AGBL4: variants seen among roughly 807,000 people sequenced by gnomAD.
AGBL4 encodes the protein AGBL carboxypeptidase 4.
Under a neutral mutation model 66.4 loss-of-function variants are expected in AGBL4, and 58 were observed. That is an observed-to-expected ratio of 0.87 (90% CI 0.71 to 1.09). The LOEUF (loss-of-function observed/expected upper bound fraction) is 1.09, where lower values mean the gene tolerates loss of function less well. Ranked by LOEUF, AGBL4 falls within the 50% of genes least tolerant of loss-of-function variation. The pLI, the probability that AGBL4 is intolerant of heterozygous loss-of-function variation, is 0.00. For missense variants in AGBL4, 579 were observed against 631.0 expected, an observed-to-expected ratio of 0.92 and a Z score of 0.88; for synonymous variants, 234 against 222.9, an observed-to-expected ratio of 1.05 and a Z score of -0.44.
chr1:49,968,474 C>T (rs967254707), intron 1 of AGBL4, among the ~76,000 whole-genome samples: 1 of 152,130 alleles, frequency 6.6e-6, no homozygotes, highest in South Asian at 2.1e-4. Flanking sequence ...TTTCCAAAAA[C>T]TATCAACTCG....
At chr1:48,916,264 C>T (rs919187326) in intron 5 of AGBL4, among the ~76,000 whole-genome samples, 4 of 152,282 alleles carry the variant, frequency 2.6e-5, no homozygotes, top group Admixed American at 1.3e-4. Flanking sequence ...GAAAATGGTT[C>T]CCCTGCAGTT....
chr1:49,666,855 C>G (rs1300787413), intron 3 of AGBL4, among the ~76,000 whole-genome samples: 1 of 152,052 alleles, frequency 6.6e-6, no homozygotes, highest in Non-Finnish European at 1.5e-5. Flanking sequence ...CAAGGGCATA[C>G]AGCTGGAGCC....
chr1:49,348,225 T>C (rs1350071919), intron 3 of AGBL4, among the ~76,000 whole-genome samples: 1 of 151,954 alleles, frequency 6.6e-6, no homozygotes, highest in African/African-American at 2.4e-5. Context: ...GAGACCATCC[T>C]GGTTAACACG....
intron 3 of AGBL4, among the ~76,000 whole-genome samples, chr1:49,482,560 A>AT (rs34117914): frequency 4.7e-5 from 7 of 149,956 alleles, no homozygotes; most frequent in South Asian, 4.2e-4. Context: ...TATCTACTTT[A>AT]TTTTTTTTTT....
chr1:48,919,128 G>T (rs759514912), intron 5 of AGBL4, among the ~76,000 whole-genome samples: 14 of 152,186 alleles, frequency 9.2e-5, no homozygotes, highest in Non-Finnish European at 1.9e-4. Flanking sequence ...CTTTATATTT[G>T]TTCTTTTCTA....
chr1:48,570,518 T>C (rs1644544747), intron 11 of AGBL4, among the ~76,000 whole-genome samples: 1 of 151,924 alleles, frequency 6.6e-6, no homozygotes. Context: ...GTTTGGTGAC[T>C]CCAGGTAAGT....
At chr1:49,655,505 T>C (rs1646106738) in intron 3 of AGBL4, among the ~76,000 whole-genome samples, 1 of 152,156 alleles carries the variant, frequency 6.6e-6, no homozygotes, top group Non-Finnish European at 1.5e-5. Flanking sequence ...TTGAAACCAA[T>C]GAGAACAAAG....
chr1:49,541,606 G>A (rs979654569), intron 3 of AGBL4, among the ~76,000 whole-genome samples: 3 of 152,152 alleles, frequency 2.0e-5, no homozygotes, highest in Non-Finnish European at 4.4e-5. Context: ...CACCATGCCT[G>A]AGCCTCCCCC....
intron 3 of AGBL4, among the ~76,000 whole-genome samples, chr1:49,427,289 G>A (rs904828071): frequency 3.3e-5 from 5 of 152,072 alleles, no homozygotes; most frequent in Non-Finnish European, 7.4e-5. Context: ...AAGAGAATGT[G>A]GGCTAGGACC....
chr1:48,864,787 G>A (rs950766602), intron 6 of AGBL4, among the ~76,000 whole-genome samples: 1 of 152,062 alleles, frequency 6.6e-6, no homozygotes, highest in Non-Finnish European at 1.5e-5. Flanking sequence ...GGACAAAGAT[G>A]TATTAGGAAG....
intron 4 of AGBL4, among the ~76,000 whole-genome samples, chr1:49,153,165 T>C (rs948032813): frequency 2.6e-5 from 4 of 152,150 alleles, no homozygotes; most frequent in South Asian, 2.1e-4. Context: ...TCCTCACAGA[T>C]GCCTCATGAT....
chr1:49,683,326 A>G (rs1466154970), intron 3 of AGBL4, among the ~76,000 whole-genome samples: 1 of 152,160 alleles, frequency 6.6e-6, no homozygotes, highest in African/African-American at 2.4e-5. Context: ...TTGTTTTATC[A>G]ACATATCCAT....
intron 3 of AGBL4, among the ~76,000 whole-genome samples, chr1:49,286,701 G>T (rs1174955608): frequency 1.3e-5 from 2 of 151,556 alleles, no homozygotes; most frequent in African/African-American, 4.9e-5. Flanking sequence ...CACTGCTCAA[G>T]GAAATAAAAG....
At chr1:49,803,447 T>G (rs1644909058) in intron 2 of AGBL4, among the ~76,000 whole-genome samples, 1 of 152,216 alleles carries the variant, frequency 6.6e-6, no homozygotes, top group Non-Finnish European at 1.5e-5. Flanking sequence ...AAAATCTAAA[T>G]GACACTCTCT....
chr1:49,047,449 C>T lies in AGBL4; in HGVS notation c.378-1649G>A, dbSNP rs1162097029. Among the ~76,000 whole-genome samples, 23 of 152,074 alleles carry T rather than the reference C, an allele frequency of 1.5e-4. 1 individual carries two copies. Among genetic ancestry groups the T allele is most frequent in the Admixed American group, 1.5e-3 (23 of 15,260 alleles). ...GCCTCCTACTCCCAAAGCTACTGCC[C>T]ATAAATACATAAATAACAGTCTTCT... On this transcript the variant is annotated intron_variant, in intron 4 of 13. Transcript: ENST00000371839.
At chr1:49,232,148 T>A (rs1476439062) in intron 4 of AGBL4, among the ~76,000 whole-genome samples, 2 of 152,094 alleles carry the variant, frequency 1.3e-5, no homozygotes, top group Admixed American at 6.6e-5. Flanking sequence ...CTAAAATTAA[T>A]TGCAGTGATG....
At chr1:49,844,587 C>G in intron 2 of AGBL4, 1 of 1,173,480 alleles carries the variant, frequency 8.5e-7, no homozygotes, top group Non-Finnish European at 1.2e-6. Flanking sequence ...GCACCTTGAA[C>G]ATTTCAAAAT....
At chr1:48,781,400 T>C (rs1288916525) in intron 6 of AGBL4, among the ~76,000 whole-genome samples, 1 of 152,238 alleles carries the variant, frequency 6.6e-6, no homozygotes, top group African/African-American at 2.4e-5. Flanking sequence ...CTATGTGCCA[T>C]AGGGCGCCTC....
intron 3 of AGBL4, among the ~76,000 whole-genome samples, chr1:49,571,336 T>C (rs1644327027): frequency 6.6e-6 from 1 of 152,044 alleles, no homozygotes; most frequent in Admixed American, 6.5e-5. Flanking sequence ...GGTATTTTTT[T>C]TCAGTTATAG....
Sources: gnomAD v4.1 joint callset for allele counts (sites outside exome capture counted in the v4.1 genomes callset) on GRCh38, gnomAD v4.1.1 for gene constraint, MANE v1.5 for transcripts, NCBI Gene and HGNC (gene_info 2026-07-23, HGNC 2026-07-21) for gene names.